CMSS1: variants seen among roughly 807,000 people sequenced by gnomAD.
CMSS1 encodes the protein cms1 ribosomal small subunit homolog.
In CMSS1, 33 loss-of-function variants were observed where a neutral mutation model predicts 43.5. The ratio of observed to expected loss-of-function variants is 0.76; its 90% CI spans 0.57 to 1.01. CMSS1 has a LOEUF of 1.01. Ranked by LOEUF, CMSS1 falls within the 50% of genes least tolerant of loss-of-function variation. The pLI is 0.00. For synonymous variants in CMSS1, 115 were observed against 117.2 expected (o/e 0.98, Z 0.12); for missense variants, 313 against 326.4 (o/e 0.96, Z 0.32).
At chr3:99,829,764 A>G (rs777063316) in intron 1 of CMSS1, among the ~76,000 whole-genome samples, 7 of 152,206 alleles carry the variant, frequency 4.6e-5, no homozygotes, top group South Asian at 2.1e-4. Context: ...AAATATCTCA[A>G]TGTTACTGAG....
At chr3:100,042,457 C>T (rs1227183861) in intron 1 of CMSS1, among the ~76,000 whole-genome samples, 5 of 152,208 alleles carry the variant, frequency 3.3e-5, no homozygotes, top group East Asian at 1.9e-4. Context: ...CTGTGATTCA[C>T]GGTGCTACAA....
chr3:99,850,235 T>C, intron 1 of CMSS1: 1 of 1,613,750 alleles, frequency 6.2e-7, no homozygotes, highest in Non-Finnish European at 8.5e-7. Flanking sequence ...AATTCTGTCT[T>C]TTCTAGCCGA....
intron 1 of CMSS1, among the ~76,000 whole-genome samples, chr3:99,991,967 T>C (rs1377621468): frequency 6.7e-6 from 1 of 149,322 alleles, no homozygotes; most frequent in Non-Finnish European, 1.5e-5. Flanking sequence ...TGTGTGTATA[T>C]ATACACACAT....
At chr3:99,830,407 G>T in intron 1 of CMSS1, 1 of 434,398 alleles carries the variant, frequency 2.3e-6, no homozygotes, top group Non-Finnish European at 4.7e-6. Flanking sequence ...CAGTGCATTG[G>T]TATGAGTTAC....
At chr3:100,038,315 A>G (rs555866489) in intron 1 of CMSS1, among the ~76,000 whole-genome samples, 1 of 152,344 alleles carries the variant, frequency 6.6e-6, no homozygotes, top group African/African-American at 2.4e-5. Flanking sequence ...GTAATGAAGT[A>G]ATGAGTCTAT....
chr3:99,829,228 ATT>A (rs71625540), intron 1 of CMSS1, among the ~76,000 whole-genome samples: 6 of 151,876 alleles, frequency 4.0e-5, no homozygotes, highest in South Asian at 2.1e-4. Flanking sequence ...CGTTCCATTG[ATT>A]TTTTTCCCCC....
rs557240303 is a variant in CMSS1 at position 99,976,554 on chromosome 3, G to A, written c.64+158511G>A. Among the ~76,000 whole-genome samples, 3 of 152,252 alleles carry A rather than the reference G, an allele frequency of 2.0e-5. No individual in the cohort carries two copies. In the South Asian group the frequency reaches 6.2e-4, roughly 32 times the overall value. ...GTGGTTTTTCTTTCACCACATTGAA[G>A]ATACCACTTTATTTTCTCGTGGCTT... On this transcript the variant is annotated intron_variant, in intron 1 of 9. Coordinates refer to ENST00000421999, the MANE Select transcript of CMSS1 (RefSeq NM_032359.4).
intron 1 of CMSS1, among the ~76,000 whole-genome samples, chr3:99,933,672 A>G (rs1257263994): frequency 6.6e-6 from 1 of 152,188 alleles, no homozygotes; most frequent in Non-Finnish European, 1.5e-5. Flanking sequence ...AATATAGGTA[A>G]ATATTACATT....
chr3:100,157,175 G>A (rs1410920333), intron 2 of CMSS1, among the ~76,000 whole-genome samples: 1 of 151,912 alleles, frequency 6.6e-6, no homozygotes, highest in Non-Finnish European at 1.5e-5. Flanking sequence ...CTCTTTCTGG[G>A]ACATTGCCTC....
At chr3:99,965,099 G>A (rs976991379) in intron 1 of CMSS1, among the ~76,000 whole-genome samples, 4 of 152,160 alleles carry the variant, frequency 2.6e-5, no homozygotes, top group African/African-American at 9.7e-5. Context: ...TAATTACCTT[G>A]AAAGATTACA....
At chr3:99,943,628 CG>C (rs1192454670) in intron 1 of CMSS1, among the ~76,000 whole-genome samples, 1 of 151,848 alleles carries the variant, frequency 6.6e-6, no homozygotes, top group Admixed American at 6.6e-5. Context: ...CGCTTGAACC[CG>C]GGAGGTGGAG....
chr3:100,131,662 A>G lies in CMSS1; in HGVS notation c.65-15311A>G, dbSNP rs569536646. ...CTTCCTTGCTACTCCCTGCACCCCA[A>G]TGTGATAGCCATTTAGGAAAATAAA... On this transcript the variant is annotated intron_variant, in intron 1 of 9. Transcript: ENST00000421999. Among the ~76,000 whole-genome samples, 6 of 152,274 alleles carry G rather than the reference A, an allele frequency of 3.9e-5. No homozygotes were observed. In the South Asian group the frequency reaches 1.0e-3, roughly 26 times the overall value.
chr3:99,889,362 T>C, intron 1 of CMSS1, among the ~76,000 whole-genome samples: 1 of 152,096 alleles, frequency 6.6e-6, no homozygotes, highest in East Asian at 1.9e-4. Flanking sequence ...AACTTTAAGT[T>C]CATTTTGTTT....
At position 100,099,240 on chromosome 3, in the gene CMSS1, C is replaced by T. The variant is rs377551283; in HGVS notation, c.65-47733C>T. Among the ~76,000 whole-genome samples the T allele has an allele frequency of 5.5e-4, 84 of 152,204 alleles. 1 individual carries two copies. The highest frequency in any genetic ancestry group is 6.8e-3 in the Middle Eastern group (2 of 294). ...AGACTGAATATTTATCATCTTAGTA[C>T]GCACACTAGGAGCAATCAAATATAA... On this transcript the variant is annotated intron_variant, in intron 1 of 9. Transcript: ENST00000421999.
intron 1 of CMSS1, among the ~76,000 whole-genome samples, chr3:99,899,385 G>C (rs1706364517): frequency 6.6e-6 from 1 of 152,064 alleles, no homozygotes; most frequent in Non-Finnish European, 1.5e-5. Flanking sequence ...TAATGCACTA[G>C]AGTTAAAAAT....
At chr3:99,894,649 A>G (rs965458051) in intron 1 of CMSS1, among the ~76,000 whole-genome samples, 2 of 152,220 alleles carry the variant, frequency 1.3e-5, no homozygotes, top group African/African-American at 4.8e-5. Context: ...TTGCAGAAAG[A>G]CTGTTTCAAG....
At chr3:99,878,830 G>A (rs1446498332) in intron 1 of CMSS1, among the ~76,000 whole-genome samples, 7 of 152,168 alleles carry the variant, frequency 4.6e-5, no homozygotes, top group Admixed American at 2.6e-4. Context: ...GGCATTGTGC[G>A]CCATTGGCCA....
chr3:99,868,859 T>G (rs1944644941), intron 1 of CMSS1, among the ~76,000 whole-genome samples: 1 of 152,206 alleles, frequency 6.6e-6, no homozygotes, highest in South Asian at 2.1e-4. Flanking sequence ...CCACAGCCCT[T>G]ACAGCTTTAT....
intron 1 of CMSS1, among the ~76,000 whole-genome samples, chr3:100,110,982 A>G (rs2107476710): frequency 6.6e-6 from 1 of 152,314 alleles, no homozygotes; most frequent in Middle Eastern, 3.4e-3. Flanking sequence ...AAACAGTCAC[A>G]AACTTTTTAA....
Sources: allele counts gnomAD v4.1 joint callset (sites outside exome capture counted in the v4.1 genomes callset), GRCh38; gene constraint gnomAD v4.1.1; transcripts MANE v1.5; gene names NCBI Gene and HGNC (gene_info 2026-07-23, HGNC 2026-07-21).